SLC12A3: variants seen among roughly 807,000 people sequenced by gnomAD.
SLC12A3 encodes the protein solute carrier family 12 member 3, also known as Na-Cl cotransporter.
SLC12A3 carries 104 observed loss-of-function variants against 121.0 expected under a neutral mutation model. The observed-to-expected ratio is 0.86, with a 90% CI of 0.73 to 1.01. The LOEUF (loss-of-function observed/expected upper bound fraction) is 1.01, where lower values mean the gene tolerates loss of function less well. SLC12A3 is among the 50% of genes least tolerant of loss of function. SLC12A3 has a pLI of 0.00. For synonymous variants in SLC12A3, 536 were observed against 533.4 expected, an observed-to-expected ratio of 1.00 and a Z score of -0.07; for missense variants, 1,328 against 1,356.3, an observed-to-expected ratio of 0.98 and a Z score of 0.33.
intron 14 of SLC12A3, among the ~76,000 whole-genome samples, chr16:56,884,596 C>T (rs1307423120): frequency 6.6e-6 from 1 of 152,144 alleles, no homozygotes; most frequent in Non-Finnish European, 1.5e-5. Context: ...GCTTGGACTC[C>T]GGGCAAGGTC....
At chr16:56,866,965 G>A in intron 1 of SLC12A3, 105 bp from the exon 2 acceptor site, 1 of 1,485,646 alleles carries the variant, frequency 6.7e-7, no homozygotes, top group Non-Finnish European at 9.3e-7. Flanking sequence ...TGAGGGGTCG[G>A]GGGGTGCTCG....
Position 56,887,080 on chromosome 16 carries a change from A to G in SLC12A3, c.2165A>G (p.Gln722Arg). 1.9e-6 allele frequency: 3 copies of G among 1,614,012 alleles called. No homozygotes were observed. Among genetic ancestry groups the G allele is most frequent in the Non-Finnish European group, 2.5e-6 (3 of 1,180,034 alleles). Residue 722 changes from glutamine to arginine, a missense_variant, in exon 17 of 26, where the codon CAG (glutamine) becomes CGG (arginine). Gln to Arg is a conservative substitution (Grantham distance 43). Coordinates refer to ENST00000563236, the MANE Select transcript of SLC12A3 (RefSeq NM_001126108.2). ...VIAEDLRRGV[Q>R]ILMQAAGLGR... ...GCCGAGGACCTCCGCAGAGGCGTCC[A>G]GATCCTCATGCAGGTGCCATGGACT...
chr16:56,878,037 T>TGCCCC, intron 8 of SLC12A3, 40 bp from the exon 9 acceptor site: 1 of 421,400 alleles, frequency 2.4e-6, no homozygotes, highest in Non-Finnish European at 4.4e-6. Flanking sequence ...CCTCCCTCTC[T>TGCCCC]CCCTCCCTCC....
At chr16:56,883,073 G>A (rs2055262386) in intron 13 of SLC12A3, among the ~76,000 whole-genome samples, 2 of 152,024 alleles carry the variant, frequency 1.3e-5, no homozygotes, top group South Asian at 4.1e-4. Flanking sequence ...TCCTTCCCCA[G>A]TTTTACAGGA....
intron 1 of SLC12A3, 145 bp downstream of exon 1, chr16:56,865,662 A>G: frequency 1.1e-6 from 1 of 906,152 alleles, no homozygotes. Context: ...CCAGTGAAAT[A>G]GTGGAGCTGC....
chr16:56,882,993 G>A lies in SLC12A3; in HGVS notation c.1669+496G>A, dbSNP rs576695130. Among the ~76,000 whole-genome samples, 11 of 152,054 alleles carry A rather than the reference G, an allele frequency of 7.2e-5. 1 individual carries two copies. The highest frequency in any genetic ancestry group is 6.3e-4 in the South Asian group (3 of 4,796). ...ATAATAATAGCGGCTCTCCTTTCTC[G>A]CGCACTGACAGTGTGCACTTTACAT... On this transcript the variant is annotated intron_variant, in intron 13 of 25. Coordinates refer to ENST00000563236, the MANE Select transcript of SLC12A3 (RefSeq NM_001126108.2).
rs138625602 is a variant in SLC12A3 at position 56,884,086 on chromosome 16, G to A, written c.1707G>A (p.Ala569=). 2.2e-5 allele frequency: 36 copies of A among 1,614,128 alleles called. No individual in the cohort carries two copies. Among genetic ancestry groups the A allele is most frequent in the Middle Eastern group, 1.6e-4 (1 of 6,084 alleles). ...RPSFQYYNKW[A]ALFGAIISVV... ...CATTCCAATACTACAACAAGTGGGC[G>A]GCGCTGTTTGGGGCTATCATCTCCG... The change falls in exon 14 of 26, where the codon GCG becomes GCA. Residue 569 remains alanine (A), a synonymous_variant. Coordinates refer to ENST00000563236, the MANE Select transcript of SLC12A3 (RefSeq NM_001126108.2).
chr16:56,902,531 G>GGGGGGC, intron 24 of SLC12A3, 23 bp downstream of exon 24: 29 of 714,400 alleles, frequency 4.1e-5, no homozygotes, highest in Non-Finnish European at 6.2e-5. Context: ...GTGGGGGTGG[G>GGGGGGC]AAACGCGACA....
intron 15 of SLC12A3, 26 bp from the exon 16 acceptor site, chr16:56,886,337 TC>T: frequency 6.4e-7 from 1 of 1,563,628 alleles, no homozygotes; most frequent in South Asian, 1.1e-5. Context: ...TCCTGATGGC[TC>T]CTGCCCTTTT....
At chr16:56,870,904 G>A (rs563391845) in intron 6 of SLC12A3, among the ~76,000 whole-genome samples, 168 bp downstream of exon 6, 1 of 151,234 alleles carries the variant, frequency 6.6e-6, no homozygotes, top group East Asian at 1.9e-4. Context: ...GTACCATCTC[G>A]GCTCACTGCA....
At chr16:56,866,998 T>A in intron 1 of SLC12A3, 72 bp from the exon 2 acceptor site, 1 of 1,589,514 alleles carries the variant, frequency 6.3e-7, no homozygotes, top group Non-Finnish European at 8.5e-7. Flanking sequence ...GTGGTGCAGG[T>A]CAGTGGGCTG....
chr16:56,886,766 C>A (rs554783822), intron 16 of SLC12A3, among the ~76,000 whole-genome samples, 187 bp from the exon 17 acceptor site: 1 of 152,206 alleles, frequency 6.6e-6, no homozygotes, highest in African/African-American at 2.4e-5. Context: ...CTCTTTTCTG[C>A]CCCCTCCCTC....
intron 12 of SLC12A3, among the ~76,000 whole-genome samples, chr16:56,880,970 C>T (rs2055232288): frequency 6.6e-6 from 1 of 152,238 alleles, no homozygotes; most frequent in Admixed American, 6.5e-5. Context: ...TATGCACACA[C>T]ACTCATATGT....
rs2055729865 is a variant in SLC12A3 at position 56,914,592 on chromosome 16, G to T, written c.*1187G>T. On this transcript the variant is annotated 3_prime_UTR_variant, in exon 26 of 26. Transcript: ENST00000563236. ...GGGAGTCTGGCTGAGCTGGGGAAAG[G>T]CCACGGCTGGGTGTCATTGCCATTT... 1.3e-5 allele frequency: 2 copies of T among 152,234 alleles called. No individual in the cohort carries two copies. The highest frequency in any genetic ancestry group is 2.9e-5 in the Non-Finnish European group (2 of 68,064). The allele number at this position is 152,234 out of a possible 1,614,324, so 9.4% of individuals were successfully genotyped here.
At chr16:56,913,199 G>A (rs1288349066) in intron 25 of SLC12A3, 65 bp from the exon 26 acceptor site, 5 of 1,608,416 alleles carry the variant, frequency 3.1e-6, no homozygotes, top group Non-Finnish European at 4.3e-6. Flanking sequence ...AAAACAAACT[G>A]GGAGCTGGGC....
chr16:56,893,011 G>A lies in SLC12A3; in HGVS notation c.2478G>A (p.Gln826=). Residue 826 remains glutamine (Q), a synonymous_variant, in exon 21 of 26, where the codon CAG becomes CAA. Coordinates refer to ENST00000563236, the MANE Select transcript of SLC12A3 (RefSeq NM_001126108.2). ...EQATTIFQSE[Q]GKKTIDIYWL... ...CCACCACCATCTTCCAGTCGGAGCA[G>A]GGCAAGAAGACCATAGACATCTACT... 6.2e-7 allele frequency: 1 copy of A among 1,614,198 alleles called. No individual in the cohort carries two copies. The highest frequency in any genetic ancestry group is 8.5e-7 in the Non-Finnish European group (1 of 1,180,010).
Position 56,878,197 on chromosome 16 carries a change from G to C in SLC12A3, c.1180+36G>C, listed in dbSNP as rs761535399. ...GGCCCAGCCAGTCAGGAGGGGGAGGGACCTGGCCTCCACCCTGCAGTGTCC... is the reference window on the plus strand; with the variant it reads ...GGCCCAGCCAGTCAGGAGGGGGAGGCACCTGGCCTCCACCCTGCAGTGTCC... On this transcript the variant is annotated intron_variant, in intron 9 of 25. Transcript: ENST00000563236. The C allele has an allele frequency of 5.3e-6, 8 of 1,497,010 alleles. No homozygotes were observed. The South Asian group carries it at 9.0e-5, about 17-fold the overall frequency. The allele number at this position is 1,497,010 out of a possible 1,614,324, so 92.7% of individuals were successfully genotyped here. A position where few individuals can be genotyped will look rare whatever the true frequency, so the allele number is the denominator to read the frequency against.
chr16:56,894,736 C>A, intron 22 of SLC12A3, 94 bp downstream of exon 22: 1 of 926,582 alleles, frequency 1.1e-6, no homozygotes, highest in Non-Finnish European at 1.7e-6. Flanking sequence ...CCTCTACCAC[C>A]ACCCCCAGGT....
At chr16:56,894,297 G>A (rs182541208) in intron 21 of SLC12A3, among the ~76,000 whole-genome samples, 33 of 152,222 alleles carry the variant, frequency 2.2e-4, no homozygotes, top group African/African-American at 7.0e-4. Context: ...GAGCCATGGC[G>A]CCCGGCCGCC....
Sources: allele counts gnomAD v4.1 joint callset (sites outside exome capture counted in the v4.1 genomes callset), GRCh38; gene constraint gnomAD v4.1.1; transcripts MANE v1.5; gene names NCBI Gene and HGNC (gene_info 2026-07-23, HGNC 2026-07-21).